The following CSTF2 variants were observed in gnomAD, a reference collection of about 807,000 sequenced individuals.
The protein encoded by CSTF2 is cleavage stimulation factor subunit 2.
CSTF2 carries 8 observed loss-of-function variants against 45.4 expected under a neutral mutation model. That is an observed-to-expected ratio of 0.18 (90% CI 0.10 to 0.32). The LOEUF is 0.32. Among genes scored for constraint, CSTF2 ranks in the 10% least tolerant of loss-of-function variants. CSTF2 has a pLI of 1.00. For synonymous variants in CSTF2, 155 were observed against 158.9 expected (o/e 0.98, Z 0.18); for missense variants, 253 against 477.1 (o/e 0.53, Z 4.38).
intron 11 of CSTF2, among the ~76,000 whole-genome samples, chrX:100,836,135 A>G (rs1418556461): frequency 8.9e-6 from 1 of 111,976 alleles, no homozygotes; most frequent in Non-Finnish European, 1.9e-5. Flanking sequence ...TCATCTATCC[A>G]TTGTCTTTGG....
chrX:100,828,685 T>C (rs2084958065), intron 8 of CSTF2, among the ~76,000 whole-genome samples: 1 of 112,223 alleles, frequency 8.9e-6, no homozygotes, highest in African/African-American at 3.2e-5. Context: ...AAAATCTCCA[T>C]GTTGTTTCTT....
Position 100,824,044 on chromosome X carries a change from A to G in CSTF2, c.564+39A>G, listed in dbSNP as rs1482039981. 10 of 1,208,245 alleles carry G rather than the reference A, an allele frequency of 8.3e-6. No homozygotes were observed. In the South Asian group the frequency reaches 1.8e-4, roughly 21 times the overall value. Reference sequence around the variant, plus strand: ...GTTCTTTTATGGAAATGGTCGGGTAAACCTTGAATGGGATAGGAACTACCT... The same window carrying G: ...GTTCTTTTATGGAAATGGTCGGGTAGACCTTGAATGGGATAGGAACTACCT... On this transcript the variant is annotated intron_variant, in intron 5 of 13. Transcript: ENST00000372972.
chrX:100,840,062 C>T (rs1046440782), intron 13 of CSTF2, among the ~76,000 whole-genome samples: 4 of 111,826 alleles, frequency 3.6e-5, no homozygotes, highest in African/African-American at 1.3e-4. Flanking sequence ...TTGACATTGG[C>T]ACATTACTGT....
rs144061026 is a variant in CSTF2 at position 100,822,353 on chromosome X, C to T, written c.240C>T (p.Arg80=). 9.1e-6 allele frequency: 11 copies of T among 1,208,604 alleles called. No individual in the cohort carries two copies. Among genetic ancestry groups the T allele is most frequent in the East Asian group, 3.0e-5 (1 of 33,706 alleles). ...GTGCCATGCGGAACCTGAATGGGCG[C>T]GAATTCAGTGGGAGAGCACTTCGAG... ...ALSAMRNLNG[R]EFSGRALRVD... The change falls in exon 3 of 14, where the codon CGC becomes CGT. Residue 80 remains arginine, a synonymous_variant. Coordinates refer to ENST00000372972, the MANE Select transcript of CSTF2 (RefSeq NM_001325.3).
intron 11 of CSTF2, 135 bp from the exon 12 acceptor site, chrX:100,837,204 T>C: frequency 2.5e-6 from 1 of 398,055 alleles, no homozygotes; most frequent in Non-Finnish European, 4.3e-6. Flanking sequence ...CAGTAGAAAA[T>C]GATCTTCAGA....
At chrX:100,822,470 A>G (rs753011792) in intron 3 of CSTF2, 50 bp downstream of exon 3, 4 of 1,139,731 alleles carry the variant, frequency 3.5e-6, no homozygotes, top group Non-Finnish European at 4.8e-6. Context: ...AAGATGTAAC[A>G]ATGAAGATTT....
chrX:100,822,841 C>CTAA, intron 3 of CSTF2: 1 of 61,879 alleles, frequency 1.6e-5, no homozygotes. Context: ...GACTCTGTCT[C>CTAA]AAAAAAAAAA....
At chrX:100,830,804 C>G in intron 8 of CSTF2, 2 of 1,150,636 alleles carry the variant, frequency 1.7e-6, no homozygotes, top group Non-Finnish European at 2.3e-6. Flanking sequence ...TACTGCTTAC[C>G]TAGGAACCCT....
intron 11 of CSTF2, among the ~76,000 whole-genome samples, chrX:100,835,649 C>T (rs2085004040): frequency 9.2e-6 from 1 of 108,584 alleles, no homozygotes; most frequent in South Asian, 4.0e-4. Context: ...GGGCAAAAGG[C>T]TTATTATTAC....
intron 1 of CSTF2, among the ~76,000 whole-genome samples, chrX:100,821,054 G>C (rs929084763): frequency 1.8e-5 from 2 of 112,618 alleles, no homozygotes; most frequent in Middle Eastern, 4.2e-3. Context: ...TTAAAAATAC[G>C]TGTGATTATT....
At chrX:100,820,750 G>A (rs752120029) in intron 1 of CSTF2, 6 of 463,862 alleles carry the variant, frequency 1.3e-5, no homozygotes, top group Non-Finnish European at 2.4e-5. Flanking sequence ...AGAGGAGAAG[G>A]CTCACGGTAA....
At chrX:100,821,964 A>G (rs2084920532) in intron 2 of CSTF2, among the ~76,000 whole-genome samples, 1 of 109,953 alleles carries the variant, frequency 9.1e-6, no homozygotes, top group Admixed American at 9.7e-5. Context: ...GTGGTGGCCC[A>G]TGCCTGTAGT....
chrX:100,832,398 A>C (rs1363252430), intron 9 of CSTF2, among the ~76,000 whole-genome samples: 1 of 111,926 alleles, frequency 8.9e-6, no homozygotes, highest in Non-Finnish European at 1.9e-5. Flanking sequence ...GAAAAGTTAA[A>C]TAATGTGTCC....
At chrX:100,821,953 C>T (rs778550888) in intron 2 of CSTF2, among the ~76,000 whole-genome samples, 1 of 109,993 alleles carries the variant, frequency 9.1e-6, no homozygotes, top group East Asian at 2.8e-4. Context: ...AATTAGCCGC[C>T]GTGGTGGCCC....
At chrX:100,836,715 G>C (rs2085010773) in intron 11 of CSTF2, among the ~76,000 whole-genome samples, 1 of 112,004 alleles carries the variant, frequency 8.9e-6, no homozygotes, top group African/African-American at 3.2e-5. Context: ...TTTCACTCCA[G>C]TCAGTCATAT....
intron 4 of CSTF2, 60 bp from the exon 5 acceptor site, chrX:100,823,826 C>T: frequency 8.7e-7 from 1 of 1,147,104 alleles, no homozygotes. Context: ...GGGAATGGCT[C>T]TAAATCACTA....
At chrX:100,840,689 G>T (rs1054816583) in intron 13 of CSTF2, 25 bp from the exon 14 acceptor site, 1 of 111,228 alleles carries the variant, frequency 9.0e-6, no homozygotes, top group Non-Finnish European at 1.9e-5. Context: ...ACTTCTAATG[G>T]CTTTGTCCTA....
chrX:100,838,919 G>A (rs374951167), intron 13 of CSTF2, among the ~76,000 whole-genome samples: 9 of 110,197 alleles, frequency 8.2e-5, no homozygotes, highest in Non-Finnish European at 1.7e-4. Flanking sequence ...GCTGTACCCT[G>A]CTACCCTTAT....
intron 6 of CSTF2, among the ~76,000 whole-genome samples, chrX:100,826,241 GTT>G (rs983021174): frequency 1.1e-5 from 1 of 90,443 alleles, no homozygotes; most frequent in African/African-American, 4.1e-5. Flanking sequence ...ACCAGCAGTT[GTT>G]TTTTTTAAAA....
Sources: allele counts gnomAD v4.1 joint callset (sites outside exome capture counted in the v4.1 genomes callset), GRCh38; gene constraint gnomAD v4.1.1; transcripts MANE v1.5; gene names NCBI Gene and HGNC (gene_info 2026-07-23, HGNC 2026-07-21).